RBMS3: variants seen among roughly 807,000 people sequenced by gnomAD.
RBMS3 encodes the protein RNA-binding motif, single-stranded-interacting protein 3.
A neutral mutation model predicts 66.8 loss-of-function variants in RBMS3; 27 were observed. That is an observed-to-expected ratio of 0.40 (90% CI 0.30 to 0.56). RBMS3 has a LOEUF of 0.56. Among genes scored for constraint, RBMS3 ranks in the 20% least tolerant of loss-of-function variants. The probability of loss-of-function intolerance (pLI) is 0.40; values close to 1 mark genes in which losing one functional copy is unlikely to be tolerated. For missense variants in RBMS3, 513 were observed against 549.5 expected (o/e 0.93, Z 0.66); for synonymous variants, 188 against 183.0 (o/e 1.03, Z -0.22).
intron 4 of RBMS3, among the ~76,000 whole-genome samples, chr3:29,709,933 T>C (rs910308368): frequency 2.0e-5 from 3 of 152,198 alleles, no homozygotes; most frequent in Admixed American, 2.0e-4. Flanking sequence ...AGAGTAGATA[T>C]AGGGTCGGTT....
At chr3:29,320,323 C>T (rs993196780) in intron 1 of RBMS3, among the ~76,000 whole-genome samples, 1 of 151,918 alleles carries the variant, frequency 6.6e-6, no homozygotes, top group Non-Finnish European at 1.5e-5. Flanking sequence ...TATTGTAACT[C>T]TTAAATATCA....
chr3:29,542,463 C>T (rs1038773757), intron 3 of RBMS3, among the ~76,000 whole-genome samples: 14 of 152,116 alleles, frequency 9.2e-5, no homozygotes, highest in African/African-American at 2.7e-4. Flanking sequence ...CGGGATCAAG[C>T]GATTCTCCCG....
intron 8 of RBMS3, among the ~76,000 whole-genome samples, chr3:29,886,694 G>A (rs1312505486): frequency 5.9e-5 from 9 of 151,790 alleles, no homozygotes; most frequent in Admixed American, 3.9e-4. Flanking sequence ...ATAAGCCTGG[G>A]GAGTAATTAT....
intron 12 of RBMS3, among the ~76,000 whole-genome samples, chr3:29,955,447 A>G (rs954327569): frequency 6.6e-6 from 1 of 152,056 alleles, no homozygotes; most frequent in African/African-American, 2.4e-5. Context: ...TGACTAAGAG[A>G]AATGATATTT....
At chr3:29,539,756 C>G (rs1370941187) in intron 3 of RBMS3, among the ~76,000 whole-genome samples, 1 of 152,138 alleles carries the variant, frequency 6.6e-6, no homozygotes, top group Non-Finnish European at 1.5e-5. Flanking sequence ...GACAAGACAT[C>G]AGGAGTACCC....
chr3:29,323,727 C>CA (rs1559487835), intron 1 of RBMS3, among the ~76,000 whole-genome samples: 1 of 123,198 alleles, frequency 8.1e-6, no homozygotes, highest in Non-Finnish European at 1.9e-5. Context: ...CACACACACA[C>CA]CCCTTGGACT....
intron 1 of RBMS3, among the ~76,000 whole-genome samples, chr3:29,370,625 T>A (rs2038150441): frequency 6.6e-6 from 1 of 152,188 alleles, no homozygotes; most frequent in Non-Finnish European, 1.5e-5. Context: ...AATTAAAAGC[T>A]TCTTTCAGTT....
At chr3:29,817,805 G>A (rs1023392034) in intron 6 of RBMS3, among the ~76,000 whole-genome samples, 3 of 151,718 alleles carry the variant, frequency 2.0e-5, no homozygotes, top group African/African-American at 7.3e-5. Context: ...AAAAGAAATA[G>A]AATATTATAA....
rs144763872 is a variant in RBMS3, at chr3:29,351,945, C to A, written c.75+70189C>A. 4.1e-3 allele frequency among the ~76,000 whole-genome samples: 617 copies of A among 152,174 alleles called. 16 individuals are homozygous for A. The highest frequency in any genetic ancestry group is 0.033 in the Admixed American group (501 of 15,274). ...CTGTGTATAATTTCAGTCCAATCAACTGGACCTAGAGTCCCAACACTAATT... is the reference window on the plus strand; with the variant it reads ...CTGTGTATAATTTCAGTCCAATCAAATGGACCTAGAGTCCCAACACTAATT... On this transcript the variant is annotated intron_variant, in intron 1 of 14. Coordinates refer to ENST00000383767, the MANE Select transcript of RBMS3 (RefSeq NM_001003793.3).
intron 1 of RBMS3, among the ~76,000 whole-genome samples, chr3:29,365,101 A>C (rs2037823799): frequency 1.3e-5 from 2 of 152,264 alleles, no homozygotes; most frequent in South Asian, 4.1e-4. Context: ...GGTTCCACTA[A>C]TGTTAATATC....
At chr3:29,683,954 C>G (rs1023796162) in intron 4 of RBMS3, among the ~76,000 whole-genome samples, 5 of 152,120 alleles carry the variant, frequency 3.3e-5, no homozygotes, top group African/African-American at 1.2e-4. Context: ...TTTTTCCTGT[C>G]TAGATTTATG....
intron 3 of RBMS3, among the ~76,000 whole-genome samples, chr3:29,505,213 C>T (rs558303943): frequency 6.6e-6 from 1 of 151,646 alleles, no homozygotes; most frequent in Non-Finnish European, 1.5e-5. Context: ...ATTTTTAATC[C>T]CTTTTGAGTT....
chr3:29,804,572 A>G (rs2057484718), intron 6 of RBMS3, among the ~76,000 whole-genome samples: 1 of 152,054 alleles, frequency 6.6e-6, no homozygotes, highest in Non-Finnish European at 1.5e-5. Context: ...TTAAGAAATG[A>G]TAAAATCTGA....
chr3:29,675,373 C>T (rs1372722201), intron 4 of RBMS3, among the ~76,000 whole-genome samples: 1 of 152,094 alleles, frequency 6.6e-6, no homozygotes, highest in Non-Finnish European at 1.5e-5. Flanking sequence ...TGGGCAAGGA[C>T]TTCATGTCTA....
At chr3:29,850,591 G>A (rs2058910532) in intron 6 of RBMS3, among the ~76,000 whole-genome samples, 1 of 152,154 alleles carries the variant, frequency 6.6e-6, no homozygotes, top group Non-Finnish European at 1.5e-5. Context: ...GGAGCTACAT[G>A]TGTAAGGATA....
intron 10 of RBMS3, among the ~76,000 whole-genome samples, chr3:29,914,700 T>C (rs985085241): frequency 2.6e-5 from 4 of 151,930 alleles, no homozygotes; most frequent in African/African-American, 9.7e-5. Context: ...ATGCACTTGA[T>C]GTTTCCTCTT....
chr3:29,425,229 AC>A (rs2040907389), intron 1 of RBMS3, among the ~76,000 whole-genome samples: 1 of 148,626 alleles, frequency 6.7e-6, no homozygotes, highest in Non-Finnish European at 1.5e-5. Flanking sequence ...AAAAAAAAAA[AC>A]AGGCGTGGTG....
At chr3:29,733,191 T>C (rs1166049922) in intron 4 of RBMS3, among the ~76,000 whole-genome samples, 1 of 152,106 alleles carries the variant, frequency 6.6e-6, no homozygotes, top group Non-Finnish European at 1.5e-5. Flanking sequence ...GTTTCATACC[T>C]CTTCAGGGTA....
At position 29,769,095 on chromosome 3, in the gene RBMS3, A is replaced by T. The variant is rs1357964327; in HGVS notation, c.637+6106A>T. On this transcript the variant is annotated intron_variant, in intron 6 of 14. Coordinates refer to ENST00000383767, the MANE Select transcript of RBMS3 (RefSeq NM_001003793.3). ...CTTTTTGTTTTTTTAAAGAGCAGAG[A>T]TTATAAATCCCATAGTAGGGTTAAT... is the stretch of plus-strand genomic sequence containing the variant. Among the ~76,000 whole-genome samples the T allele has an allele frequency of 1.3e-4, 20 of 151,924 alleles. No homozygotes were observed. The East Asian group carries it at 3.9e-3, about 29-fold the overall frequency.
Sources: gnomAD v4.1 joint callset for allele counts (sites outside exome capture counted in the v4.1 genomes callset) on GRCh38, gnomAD v4.1.1 for gene constraint, MANE v1.5 for transcripts, NCBI Gene and HGNC (gene_info 2026-07-23, HGNC 2026-07-21) for gene names.